EFCAB8: variants seen among roughly 807,000 people sequenced by gnomAD.
EFCAB8 encodes the protein EF-hand calcium binding domain 8.
Under a neutral mutation model 116.3 loss-of-function variants are expected in EFCAB8, and 100 were observed. The ratio of observed to expected loss-of-function variants is 0.86; its 90% confidence interval spans 0.73 to 1.02. The LOEUF is 1.02. Among genes scored for constraint, EFCAB8 ranks in the 50% least tolerant of loss-of-function variants. EFCAB8 has a pLI of 0.00. For synonymous variants in EFCAB8, 558 were observed against 567.9 expected (o/e 0.98, Z 0.25); for missense variants, 1,320 against 1,416.9 (o/e 0.93, Z 1.10).
intron 6 of EFCAB8, among the ~76,000 whole-genome samples, chr20:32,888,372 A>G (rs1028800495): frequency 6.6e-6 from 1 of 152,056 alleles, no homozygotes; most frequent in Non-Finnish European, 1.5e-5. Flanking sequence ...ATTACAGGTG[A>G]GCACCACCAC....
Position 32,959,915 on chromosome 20 carries a change from G to A in EFCAB8, c.3227G>A (p.Trp1076Ter), listed in dbSNP as rs1269240195. ...CAGAAGATGGCCCTGATGTCCCCGT[G>A]GGCCGGAGAGCGCCCCCTGGAAGAC... ...KLQKMALMSP[W>*]AGERPLEDIE... The change falls in exon 25 of 27, where the codon TGG (tryptophan) becomes TAG (stop). Residue 1076 changes from tryptophan to a stop codon, truncating the protein, a stop_gained. Coordinates refer to ENST00000400522, the MANE Select transcript of EFCAB8 (RefSeq NM_001143967.2). LOFTEE classifies it high-confidence loss of function. 6.4e-7 allele frequency: 1 copy of A among 1,551,680 alleles called. No homozygotes were observed. The highest frequency in any genetic ancestry group is 8.7e-7 in the Non-Finnish European group (1 of 1,146,976).
chr20:32,886,777 CA>C (rs1985654006), intron 6 of EFCAB8, among the ~76,000 whole-genome samples: 1 of 152,204 alleles, frequency 6.6e-6, no homozygotes, highest in African/African-American at 2.4e-5. Flanking sequence ...GAAGGCGCAG[CA>C]GGCCTGGATT....
intron 23 of EFCAB8, among the ~76,000 whole-genome samples, chr20:32,954,354 CGGTTTTCCCAAAACCATT>C (rs1304594049): frequency 2.0e-5 from 3 of 152,096 alleles, no homozygotes; most frequent in Non-Finnish European, 2.9e-5. Flanking sequence ...TGTGGCAATT[CGGTTTTCCCAAAACCATT>C]TGTTGTAGAG....
chr20:32,951,424 T>C (rs191528567), intron 23 of EFCAB8, among the ~76,000 whole-genome samples: 1 of 152,348 alleles, frequency 6.6e-6, no homozygotes, highest in East Asian at 1.9e-4. Context: ...GACGAAAACC[T>C]GTACATATTG....
intron 9 of EFCAB8, among the ~76,000 whole-genome samples, chr20:32,894,184 C>T (rs1986051152): frequency 1.3e-5 from 2 of 152,190 alleles, no homozygotes; most frequent in Non-Finnish European, 2.9e-5. Context: ...ACCAGGAGGC[C>T]CAGGCCACCA....
chr20:32,931,427 T>A, intron 22 of EFCAB8, 91 bp downstream of exon 22: 1 of 1,389,578 alleles, frequency 7.2e-7, no homozygotes, highest in Non-Finnish European at 9.5e-7. Context: ...CCAAGAGAAA[T>A]ACACTTACTA....
intron 3 of EFCAB8, among the ~76,000 whole-genome samples, chr20:32,871,107 C>T (rs1984662291): frequency 6.6e-6 from 1 of 152,120 alleles, no homozygotes; most frequent in Admixed American, 6.6e-5. Context: ...CCTGTCTCGC[C>T]TCCCAAAGTT....
At chr20:32,921,361 T>TG (rs1987442294) in intron 20 of EFCAB8, among the ~76,000 whole-genome samples, 3 of 129,162 alleles carry the variant, frequency 2.3e-5, no homozygotes, top group African/African-American at 1.1e-4. Flanking sequence ...CCCAGCTATT[T>TG]TGTGTGTGTG....
intron 1 of EFCAB8, among the ~76,000 whole-genome samples, chr20:32,860,546 G>C (rs1317257090): frequency 3.4e-5 from 3 of 88,060 alleles, no homozygotes; most frequent in African/African-American, 1.6e-4. Context: ...TTACTCTTTT[G>C]CCTAGGCTGG....
At chr20:32,919,984 G>T in intron 19 of EFCAB8, 94 bp from the exon 20 acceptor site, 1 of 1,499,436 alleles carries the variant, frequency 6.7e-7, no homozygotes, top group South Asian at 1.2e-5. Flanking sequence ...GGGCTTGGGA[G>T]TGCCGCTCTT....
At chr20:32,899,990 C>G (rs1292249186) in intron 11 of EFCAB8, among the ~76,000 whole-genome samples, 2 of 152,154 alleles carry the variant, frequency 1.3e-5, no homozygotes, top group African/African-American at 2.4e-5. Flanking sequence ...CAGTTTTCCT[C>G]CGGCCCCTAG....
intron 3 of EFCAB8, among the ~76,000 whole-genome samples, chr20:32,872,465 TG>T (rs1984728976): frequency 6.6e-6 from 1 of 151,990 alleles, no homozygotes; most frequent in Non-Finnish European, 1.5e-5. Flanking sequence ...GCTCTCAGGC[TG>T]GAGTGGGAGA....
chr20:32,893,243 A>C lies in EFCAB8; in HGVS notation c.828A>C (p.Glu276Asp), dbSNP rs1246425711. ...GCAACGTCATTGTCTTCACCTCCGA[A>C]AACATGACCAGTGGGCTGTTCAACC... The part of the protein sequence containing the change: ...AKGNVIVFTS[E>D]NMTSGLFNPR... Residue 276 changes from glutamate to aspartate, a missense_variant, in exon 9 of 27, where the codon GAA (glutamate) becomes GAC (aspartate). By Grantham distance (45) the Glu-to-Asp change is conservative. Coordinates refer to ENST00000400522, the MANE Select transcript of EFCAB8 (RefSeq NM_001143967.2). The C allele has an allele frequency of 6.4e-7, 1 of 1,551,816 alleles. No individual in the cohort carries two copies. The highest frequency in any genetic ancestry group is 8.7e-7 in the Non-Finnish European group (1 of 1,147,058).
chr20:32,899,451 T>G (rs1241056325), intron 11 of EFCAB8, among the ~76,000 whole-genome samples: 1 of 150,980 alleles, frequency 6.6e-6, no homozygotes, highest in African/African-American at 2.4e-5. Context: ...CAAGTATGTA[T>G]TAAATGCATT....
In EFCAB8 at chr20:32,918,520, C is replaced by G. The variant is rs527264803; in HGVS notation, c.2220C>G (p.Pro740=). Residue 740 remains proline (P), a synonymous_variant, in exon 19 of 27, where the codon CCC becomes CCG. Transcript: ENST00000400522. ...TNLRRSLVSA[P]PVMRCPRDKE... is the part of the protein sequence containing the mutation. ...TGAGGCGGAGCCTGGTGTCGGCTCC[C>G]CCAGTGATGCGGTGCCCGAGAGACA... 13 of 1,551,576 alleles carry G rather than the reference C, an allele frequency of 8.4e-6. 1 individual carries two copies. In the South Asian group the frequency reaches 1.2e-4, roughly 14 times the overall value.
At chr20:32,890,216 A>G (rs1347526160) in intron 7 of EFCAB8, among the ~76,000 whole-genome samples, 1 of 151,818 alleles carries the variant, frequency 6.6e-6, no homozygotes, top group Non-Finnish European at 1.5e-5. Flanking sequence ...TGTGGTGCTG[A>G]GGCCACTGTG....
At chr20:32,916,506 T>C (rs1310361052) in intron 17 of EFCAB8, among the ~76,000 whole-genome samples, 2 of 152,040 alleles carry the variant, frequency 1.3e-5, no homozygotes, top group African/African-American at 4.8e-5. Flanking sequence ...CGATTTTCCT[T>C]CCTTGGCCCC....
In EFCAB8 at chr20:32,895,575, C is replaced by CTT. The variant is rs35301817; in HGVS notation, c.884-866_884-865dup. 2.0e-3 allele frequency among the ~76,000 whole-genome samples: 245 copies of CTT among 125,128 alleles called. 9 individuals carry two copies. The East Asian group carries it at 0.049, about 25-fold the overall frequency. The allele number at this position is 125,128 out of a possible 152,430, so 82.1% of individuals were successfully genotyped here. Reference sequence around the variant, plus strand: ...TGGTATCTTTTTTCTTTCTTTCTTTCTTTTTTTTTTTTTTAAGGCAGAGTC... The same window carrying CTT: ...TGGTATCTTTTTTCTTTCTTTCTTTCTTTTTTTTTTTTTTTTAAGGCAGAGTC... On this transcript the variant is annotated intron_variant, in intron 9 of 26. Coordinates refer to ENST00000400522, the MANE Select transcript of EFCAB8 (RefSeq NM_001143967.2).
chr20:32,885,402 C>T (rs893565316), intron 5 of EFCAB8, 103 bp from the exon 6 acceptor site: 45 of 1,467,012 alleles, frequency 3.1e-5, no homozygotes, highest in East Asian at 7.4e-5. Flanking sequence ...GACGCTCCGC[C>T]GGCTTTTGTC....
Sources: gnomAD v4.1 joint callset for allele counts (sites outside exome capture counted in the v4.1 genomes callset) on GRCh38, gnomAD v4.1.1 for gene constraint, MANE v1.5 for transcripts, NCBI Gene and HGNC (gene_info 2026-07-23, HGNC 2026-07-21) for gene names.